SYT14: variants seen among roughly 807,000 people sequenced by gnomAD.
SYT14 encodes synaptotagmin 14, also known as synaptotagmin-14.
A neutral mutation model predicts 74.2 loss-of-function variants in SYT14; 32 were observed. The ratio of observed to expected loss-of-function variants is 0.43; its 90% CI spans 0.33 to 0.58. The LOEUF is 0.58. SYT14 is among the 20% of genes least tolerant of loss of function. SYT14 has a pLI of 0.05. For missense variants in SYT14, 791 were observed against 981.8 expected, an observed-to-expected ratio of 0.81 and a Z score of 2.60; for synonymous variants, 298 against 337.7, an observed-to-expected ratio of 0.88 and a Z score of 1.29.
exon 10 of SYT14, chr1:210,166,891 A>G (rs2083461579): frequency 6.6e-6 from 1 of 152,162 alleles, no homozygotes; most frequent in Admixed American, 6.5e-5. Flanking sequence ...TAAGACTAGG[A>G]TTAATGTTAT....
At chr1:209,984,210 G>A (rs546047817) in intron 2 of SYT14, among the ~76,000 whole-genome samples, 10 of 152,254 alleles carry the variant, frequency 6.6e-5, no homozygotes, top group Non-Finnish European at 7.4e-5. Flanking sequence ...TGATTTTAGC[G>A]CCAACTAGCC....
intron 2 of SYT14, among the ~76,000 whole-genome samples, chr1:209,986,127 T>A (rs934580926): frequency 3.3e-5 from 5 of 152,220 alleles, no homozygotes; most frequent in African/African-American, 1.2e-4. Flanking sequence ...CTGCTTAAAT[T>A]CCTGCCTTGA....
exon 6 of SYT14, chr1:210,094,397 G>A: frequency 1.2e-6 from 2 of 1,613,950 alleles, no homozygotes; most frequent in African/African-American, 1.3e-5. Flanking sequence ...GATGACAGTG[G>A]TTCTCCCCAT....
Position 210,037,754 on chromosome 1 carries a change from C to T in SYT14, c.1312+16500C>T, listed in dbSNP as rs529649865. ...TATATTTGTATAGTTTTGAGCATTC[C>T]TCATGGAATCGATTTCTAATTTTAT... is the stretch of plus-strand genomic sequence containing the variant. On this transcript the variant is annotated intron_variant, in intron 5 of 9. Transcript: ENST00000637265. 1.3e-4 allele frequency among the ~76,000 whole-genome samples: 20 copies of T among 151,918 alleles called. No individual in the cohort carries two copies. In the East Asian group the frequency reaches 3.7e-3, roughly 28 times the overall value.
Position 209,956,624 on chromosome 1 carries a change from A to T in SYT14, c.-486+3868A>T, listed in dbSNP as rs546123928. On this transcript the variant is annotated intron_variant, in intron 2 of 9. Transcript: ENST00000637265. ...CAAAACAGGCTAGGAAGTGTTAGTGAGTCAGTGAGCCCAAGAAGTACAGCA... is the reference window on the plus strand; with the variant it reads ...CAAAACAGGCTAGGAAGTGTTAGTGTGTCAGTGAGCCCAAGAAGTACAGCA... Among the ~76,000 whole-genome samples, 3 of 152,262 alleles carry T rather than the reference A, an allele frequency of 2.0e-5. No homozygotes were observed. In the East Asian group the frequency reaches 5.8e-4, roughly 29 times the overall value.
rs940772084 is a variant in SYT14 at position 210,109,604 on chromosome 1, A to AAAC, written c.2034+9155_2034+9157dup. Among the ~76,000 whole-genome samples, 6 of 151,994 alleles carry AAAC rather than the reference A, an allele frequency of 3.9e-5. 1 individual carries two copies. Among genetic ancestry groups the AAAC allele is most frequent in the African/African-American group, 1.4e-4 (6 of 41,518 alleles). The stretch of plus-strand genomic sequence containing the variant: ...AAAAAAAAAAAAGAGAGAAAAAACA[A>AAAC]AACAACAACAACAAAAAGGAAACAA... On this transcript the variant is annotated intron_variant, in intron 7 of 9. Coordinates refer to ENST00000637265, the Ensembl canonical transcript of SYT14.
intron 5 of SYT14, among the ~76,000 whole-genome samples, chr1:210,054,699 A>AT (rs1479061729): frequency 2.0e-5 from 3 of 152,158 alleles, no homozygotes; most frequent in Admixed American, 6.5e-5. Context: ...GTCAGTGTTT[A>AT]TAACTGTTGT....
At chr1:210,167,872 A>G (rs1479057181) in exon 10 of SYT14, 2 of 152,106 alleles carry the variant, frequency 1.3e-5, no homozygotes, top group Admixed American at 1.3e-4. Flanking sequence ...ACTCTTATTC[A>G]TATACACTCA....
chr1:209,980,060 C>G (rs543385654), intron 2 of SYT14, among the ~76,000 whole-genome samples: 1 of 152,292 alleles, frequency 6.6e-6, no homozygotes, highest in South Asian at 2.1e-4. Context: ...TTGAACTTAA[C>G]TTACATTTTT....
chr1:209,980,969 T>C (rs1303399848), intron 2 of SYT14, among the ~76,000 whole-genome samples: 1 of 152,218 alleles, frequency 6.6e-6, no homozygotes, highest in East Asian at 1.9e-4. Flanking sequence ...TAGTTTTTTT[T>C]CTAATTCTGT....
intron 5 of SYT14, among the ~76,000 whole-genome samples, chr1:210,070,910 A>ATTT (rs200981834): frequency 9.5e-5 from 11 of 116,270 alleles, no homozygotes; most frequent in East Asian, 3.1e-4. Context: ...GTTGGGTATA[A>ATTT]TTTTTTTTTT....
At chr1:210,100,203 T>C in exon 7 of SYT14, 6 of 1,614,082 alleles carry the variant, frequency 3.7e-6, no homozygotes, top group Non-Finnish European at 4.2e-6. Context: ...AAGTACACCT[T>C]GTTCTTCTAC....
chr1:210,049,563 CT>C (rs1384410656), intron 5 of SYT14, among the ~76,000 whole-genome samples: 2 of 152,028 alleles, frequency 1.3e-5, no homozygotes, highest in Non-Finnish European at 2.9e-5. Flanking sequence ...GGTATTTCTC[CT>C]AATGCTATCC....
chr1:210,002,296 T>C (rs978046062), intron 2 of SYT14, among the ~76,000 whole-genome samples: 5 of 152,056 alleles, frequency 3.3e-5, no homozygotes, highest in Non-Finnish European at 7.4e-5. Context: ...TTCTGCTTGC[T>C]TTTATGGACA....
At chr1:209,992,403 C>T (rs2079707006) in intron 2 of SYT14, among the ~76,000 whole-genome samples, 1 of 152,124 alleles carries the variant, frequency 6.6e-6, no homozygotes, top group South Asian at 2.1e-4. Context: ...AACTGGAGGC[C>T]ATTATTTTAA....
At chr1:210,164,549 GA>G (rs1462738988) in exon 10 of SYT14, 1 of 154,626 alleles carries the variant, frequency 6.5e-6, no homozygotes, top group East Asian at 1.9e-4. Context: ...GATGTGTGGG[GA>G]TACTGAATGA....
intron 7 of SYT14, among the ~76,000 whole-genome samples, chr1:210,139,023 T>A (rs2082849421): frequency 6.6e-6 from 1 of 152,060 alleles, no homozygotes; most frequent in Non-Finnish European, 1.5e-5. Context: ...ACTAATACAA[T>A]GCTATACTTA....
intron 7 of SYT14, among the ~76,000 whole-genome samples, chr1:210,120,604 C>T (rs1324123972): frequency 6.6e-6 from 1 of 152,076 alleles, no homozygotes; most frequent in East Asian, 1.9e-4. Context: ...ATAGGCTATA[C>T]CATCTAGGTT....
chr1:210,051,734 T>TC, intron 5 of SYT14, among the ~76,000 whole-genome samples: 1 of 152,138 alleles, frequency 6.6e-6, no homozygotes, highest in Middle Eastern at 3.4e-3. Context: ...TCTCCTTCCT[T>TC]CTTTTTTACA....
Sources: gnomAD v4.1 joint callset for allele counts (sites outside exome capture counted in the v4.1 genomes callset) on GRCh38, gnomAD v4.1.1 for gene constraint, MANE v1.5 for transcripts, NCBI Gene and HGNC (gene_info 2026-07-23, HGNC 2026-07-21) for gene names.